CARMIL1: variants seen among roughly 807,000 people sequenced by gnomAD.
The protein encoded by CARMIL1 is F-actin-uncapping protein LRRC16A.
In CARMIL1, 90 loss-of-function variants were observed where a neutral mutation model predicts 177.1. The ratio of observed to expected loss-of-function variants is 0.51; its 90% CI spans 0.43 to 0.61. CARMIL1 has a LOEUF of 0.61. Ranked by LOEUF, CARMIL1 falls within the 20% of genes least tolerant of loss-of-function variation. The pLI is 0.00. For synonymous variants in CARMIL1, 577 were observed against 606.2 expected (o/e 0.95, Z 0.71); for missense variants, 1,380 against 1,667.0 (o/e 0.83, Z 3.00).
chr6:25,585,740 G>A lies in CARMIL1; in HGVS notation c.3006+4301G>A, dbSNP rs1247538684. ...CCCTGGGTACTTGAGATTAGGGAGT[G>A]GTGATGACTCTTAAGGAGCATGCTG... On this transcript the variant is annotated intron_variant, in intron 31 of 36. Transcript: ENST00000329474. Among the ~76,000 whole-genome samples, 3 of 152,086 alleles carry A rather than the reference G, an allele frequency of 2.0e-5. No individual in the cohort carries two copies. In the East Asian group the frequency reaches 5.8e-4, roughly 29 times the overall value.
intron 9 of CARMIL1, among the ~76,000 whole-genome samples, chr6:25,468,999 C>T (rs116720406): frequency 6.6e-6 from 1 of 152,272 alleles, no homozygotes; most frequent in African/African-American, 2.4e-5. Context: ...ATCATGACAA[C>T]ACAGAATAAG....
At position 25,539,980 on chromosome 6, in the gene CARMIL1, T is replaced by C. The variant is rs1328173679; in HGVS notation, c.2230T>C (p.Ser744Pro). 8 of 1,602,028 alleles carry C rather than the reference T, an allele frequency of 5.0e-6. No individual in the cohort carries two copies. The highest frequency in any genetic ancestry group is 1.7e-5 in the Admixed American group (1 of 57,702). Residue 744 changes from serine (S) to proline (P), a missense_variant, in exon 26 of 37, where the codon TCT becomes CCT. Physicochemically the swap from Ser to Pro is moderately conservative, Grantham distance 74. Coordinates refer to ENST00000329474, the MANE Select transcript of CARMIL1 (RefSeq NM_017640.6). The part of the protein sequence containing the change: ...LPNLYHVGGA[S>P]WAGASGLLSS... ...AAATTTATACCATGTTGGTGGTGCA[T>C]CTTGGGCGGGAGCCAGTGGCTTACT...
At chr6:25,353,621 AT>A (rs1581661297) in intron 2 of CARMIL1, among the ~76,000 whole-genome samples, 1 of 151,886 alleles carries the variant, frequency 6.6e-6, no homozygotes, top group African/African-American at 2.4e-5. Flanking sequence ...TTTATAATGT[AT>A]TTTTTTCTGA....
At chr6:25,596,165 T>TTG (rs1554232306) in intron 32 of CARMIL1, among the ~76,000 whole-genome samples, 3 of 146,112 alleles carry the variant, frequency 2.1e-5, no homozygotes, top group East Asian at 2.3e-4. Context: ...GGGTAAATTT[T>TTG]GTAAGGTATA....
At chr6:25,586,605 G>A (rs2151271653) in intron 31 of CARMIL1, among the ~76,000 whole-genome samples, 1 of 152,044 alleles carries the variant, frequency 6.6e-6, no homozygotes, top group Non-Finnish European at 1.5e-5. Flanking sequence ...AAGGCAGGCG[G>A]CTGGGAGGTG....
At chr6:25,321,526 G>A (rs1166817143) in intron 2 of CARMIL1, among the ~76,000 whole-genome samples, 2 of 152,066 alleles carry the variant, frequency 1.3e-5, no homozygotes, top group Non-Finnish European at 2.9e-5. Context: ...AAATAGAAAG[G>A]TTAAGGTAAT....
intron 2 of CARMIL1, among the ~76,000 whole-genome samples, chr6:25,419,516 C>T (rs1333443975): frequency 6.6e-6 from 1 of 152,162 alleles, no homozygotes; most frequent in Non-Finnish European, 1.5e-5. Context: ...ACCCCACAGG[C>T]TGTATGTATG....
intron 2 of CARMIL1, among the ~76,000 whole-genome samples, chr6:25,318,016 A>G (rs1287372918): frequency 3.3e-5 from 5 of 152,012 alleles, no homozygotes; most frequent in African/African-American, 9.7e-5. Flanking sequence ...AGCGTATTCA[A>G]TTTGTTTCTG....
chr6:25,450,537 C>A, intron 7 of CARMIL1, 101 bp from the exon 8 acceptor site: 1 of 1,085,416 alleles, frequency 9.2e-7, no homozygotes, highest in Non-Finnish European at 1.4e-6. Flanking sequence ...TCTCAGATTA[C>A]ATAAAAACCT....
At chr6:25,452,285 A>G (rs765458329) in intron 8 of CARMIL1, 3 of 755,246 alleles carry the variant, frequency 4.0e-6, no homozygotes, top group Non-Finnish European at 7.2e-6. Context: ...GCAACTTTAT[A>G]CTTTCAAATT....
intron 2 of CARMIL1, among the ~76,000 whole-genome samples, chr6:25,373,749 A>AT (rs2150447558): frequency 6.6e-6 from 1 of 151,562 alleles, no homozygotes; most frequent in Admixed American, 6.6e-5. Flanking sequence ...TGCCTGGCTA[A>AT]TTTTTTTGTA....
At chr6:25,421,466 T>G (rs374501020) in intron 3 of CARMIL1, among the ~76,000 whole-genome samples, 1 of 152,174 alleles carries the variant, frequency 6.6e-6, no homozygotes. Flanking sequence ...GTCAGTGTGG[T>G]GATTCCTCAG....
intron 8 of CARMIL1, among the ~76,000 whole-genome samples, chr6:25,459,242 C>CTT (rs369342304): frequency 9.9e-6 from 1 of 100,780 alleles, no homozygotes; most frequent in African/African-American, 3.7e-5. Context: ...TTCTTTCTTT[C>CTT]TTTCTTTCTT....
chr6:25,400,692 C>A (rs374862374), intron 2 of CARMIL1, among the ~76,000 whole-genome samples: 7 of 152,178 alleles, frequency 4.6e-5, no homozygotes, highest in African/African-American at 1.7e-4. Context: ...CTAATAATGG[C>A]CATCAGAATG....
At chr6:25,597,622 C>T (rs191291707) in intron 32 of CARMIL1, among the ~76,000 whole-genome samples, 1 of 152,060 alleles carries the variant, frequency 6.6e-6, no homozygotes, top group African/African-American at 2.4e-5. Context: ...AGCATCTGAC[C>T]AGCTCCAGTG....
intron 5 of CARMIL1, among the ~76,000 whole-genome samples, chr6:25,449,041 T>C (rs4712938): frequency 0.82 from 123,826 of 151,578 alleles, 50,776 homozygotes; most frequent in Admixed American, 0.87. Context: ...GCTGGGACTA[T>C]AGGCACATAC....
chr6:25,374,163 A>G (rs188691272), intron 2 of CARMIL1, among the ~76,000 whole-genome samples: 3 of 152,304 alleles, frequency 2.0e-5, no homozygotes, highest in African/African-American at 7.2e-5. Flanking sequence ...TGATGTAGGC[A>G]TTTAGTGCTA....
intron 24 of CARMIL1, among the ~76,000 whole-genome samples, chr6:25,534,991 G>A (rs373127106): frequency 6.6e-5 from 10 of 152,200 alleles, no homozygotes; most frequent in Non-Finnish European, 8.8e-5. Flanking sequence ...ATTCTTACCC[G>A]TGGGTTCAAT....
At chr6:25,436,167 A>G (rs146136883) in intron 5 of CARMIL1, among the ~76,000 whole-genome samples, 1 of 152,256 alleles carries the variant, frequency 6.6e-6, no homozygotes, top group Non-Finnish European at 1.5e-5. Flanking sequence ...AGTCAGGATT[A>G]TGGGCTTGGA....
Sources: allele counts gnomAD v4.1 joint callset (sites outside exome capture counted in the v4.1 genomes callset), GRCh38; gene constraint gnomAD v4.1.1; transcripts MANE v1.5; gene names NCBI Gene and HGNC (gene_info 2026-07-23, HGNC 2026-07-21).